DCLK1: variants seen among roughly 807,000 people sequenced by gnomAD.
The protein encoded by DCLK1 is doublecortin like kinase 1, also known as serine/threonine-protein kinase DCLK1.
In DCLK1, 16 loss-of-function variants were observed where a neutral mutation model predicts 86.2. That is an observed-to-expected ratio of 0.19 (90% CI 0.13 to 0.28). The LOEUF is 0.28. Ranked by LOEUF, DCLK1 falls within the 10% of genes least tolerant of loss-of-function variation. The pLI, the probability that DCLK1 is intolerant of heterozygous loss-of-function variation, is 1.00. For synonymous variants in DCLK1, 369 were observed against 370.5 expected (o/e 1.00, Z 0.05); for missense variants, 590 against 940.2 (o/e 0.63, Z 4.87).
At chr13:35,990,387 C>T (rs892943675) in intron 3 of DCLK1, among the ~76,000 whole-genome samples, 1 of 152,120 alleles carries the variant, frequency 6.6e-6, no homozygotes, top group African/African-American at 2.4e-5. Context: ...CCAGAGGGGG[C>T]GCTCTTTGAT....
intron 5 of DCLK1, among the ~76,000 whole-genome samples, chr13:35,870,395 T>C (rs1872181671): frequency 6.6e-6 from 1 of 152,098 alleles, no homozygotes; most frequent in Non-Finnish European, 1.5e-5. Context: ...CCGAGAGCTC[T>C]TTTCACACTC....
intron 3 of DCLK1, among the ~76,000 whole-genome samples, chr13:36,029,666 C>T (rs1009702874): frequency 2.0e-5 from 3 of 152,038 alleles, no homozygotes; most frequent in Non-Finnish European, 2.9e-5. Flanking sequence ...CAAGAGAGTC[C>T]GATGGACTAT....
At chr13:35,915,783 A>G (rs1171444877) in intron 4 of DCLK1, among the ~76,000 whole-genome samples, 2 of 152,198 alleles carry the variant, frequency 1.3e-5, no homozygotes, top group Admixed American at 6.5e-5. Context: ...AGAGCTATGC[A>G]AAGGTAAGTA....
At position 36,111,936 on chromosome 13, in the gene DCLK1, T is replaced by C; in HGVS notation, c.656A>G (p.Asp219Gly). 1 of 1,614,236 alleles carries C rather than the reference T, an allele frequency of 6.2e-7. No homozygotes were observed. Among genetic ancestry groups the C allele is most frequent in the Non-Finnish European group, 8.5e-7 (1 of 1,180,050 alleles). The change falls in exon 3 of 17, where the codon GAT becomes GGT. Residue 219 changes from aspartate (D) to glycine (G), a missense_variant. Asp to Gly is a moderately conservative substitution (Grantham distance 94, BLOSUM62 -1). Around this residue, in one of 6 missense-constraint regions of DCLK1, gnomAD observed 195 missense variants for 365.1 expected, o/e 0.53. Coordinates refer to ENST00000360631, the MANE Select transcript of DCLK1 (RefSeq NM_001330071.2). ...GTCCAGCTTGATGGCATCGGTGATA[T>C]CGGTGAGGACCTGCTCAAAGGAATG... Reference protein sequence around the residue: ...TAHSFEQVLTDITDAIKLDSG... With the variant: ...TAHSFEQVLTGITDAIKLDSG...
chr13:36,048,178 T>A (rs1043983562), intron 3 of DCLK1, among the ~76,000 whole-genome samples: 1 of 152,148 alleles, frequency 6.6e-6, no homozygotes, highest in Non-Finnish European at 1.5e-5. Flanking sequence ...AGTCTGTGAA[T>A]GCCAAGCTGG....
At chr13:35,789,216 T>C (rs1341753663) in intron 16 of DCLK1, among the ~76,000 whole-genome samples, 1 of 152,206 alleles carries the variant, frequency 6.6e-6, no homozygotes, top group Non-Finnish European at 1.5e-5. Context: ...ATGTGTTCTT[T>C]CAAGTGCGTT....
At chr13:35,839,304 T>C in intron 6 of DCLK1, 128 bp from the exon 7 acceptor site, 1 of 713,850 alleles carries the variant, frequency 1.4e-6, no homozygotes, top group Admixed American at 2.8e-5. Context: ...TCTTAACACT[T>C]GGAAAAAGAC....
At chr13:36,074,189 G>C (rs79562340) in intron 3 of DCLK1, among the ~76,000 whole-genome samples, 1,790 of 152,150 alleles carry the variant, frequency 0.012, 41 homozygotes, top group African/African-American at 0.04. Flanking sequence ...AATTTAAGAA[G>C]GAAGACCTCC....
In DCLK1 at chr13:35,873,434, G is replaced by A. The variant is rs140953047; in HGVS notation, c.824-2094C>T. ...AGTCTCGCTCTTGTTGCCCAGGCTGGAGTGCAGTGGCGTGATCTCGGGTCA... is the reference window on the plus strand; with the variant it reads ...AGTCTCGCTCTTGTTGCCCAGGCTGAAGTGCAGTGGCGTGATCTCGGGTCA... On this transcript the variant is annotated intron_variant, in intron 4 of 16. Coordinates refer to ENST00000360631, the MANE Select transcript of DCLK1 (RefSeq NM_001330071.2). Among the ~76,000 whole-genome samples, 1,120 of 151,928 alleles carry A rather than the reference G, an allele frequency of 7.4e-3. 10 individuals carry two copies. Among genetic ancestry groups the A allele is most frequent in the African/African-American group, 0.026 (1,070 of 41,462 alleles).
intron 3 of DCLK1, among the ~76,000 whole-genome samples, chr13:36,006,668 G>C (rs909937286): frequency 2.0e-5 from 3 of 152,222 alleles, no homozygotes; most frequent in Non-Finnish European, 2.9e-5. Context: ...TGTTGTCTGA[G>C]AAACTGATTC....
intron 3 of DCLK1, among the ~76,000 whole-genome samples, chr13:36,023,062 A>C (rs1881852145): frequency 6.6e-6 from 1 of 152,168 alleles, no homozygotes; most frequent in Non-Finnish European, 1.5e-5. Context: ...TAGCAACAGG[A>C]ATTATTTCCA....
At chr13:36,043,667 G>C (rs965883668) in intron 3 of DCLK1, among the ~76,000 whole-genome samples, 2 of 152,018 alleles carry the variant, frequency 1.3e-5, no homozygotes, top group Non-Finnish European at 2.9e-5. Context: ...ATAAAAATAG[G>C]TAATATAGAA....
intron 8 of DCLK1, among the ~76,000 whole-genome samples, chr13:35,835,333 A>T (rs1455199632): frequency 2.0e-5 from 3 of 152,146 alleles, no homozygotes; most frequent in African/African-American, 7.2e-5. Flanking sequence ...ACCAGCCCTG[A>T]GGAGAAGCTG....
intron 3 of DCLK1, among the ~76,000 whole-genome samples, chr13:36,084,708 G>A (rs547194388): frequency 7.4e-4 from 113 of 152,216 alleles, no homozygotes; most frequent in African/African-American, 2.6e-3. Context: ...CAAGGGATCC[G>A]TATGTCACAT....
intron 14 of DCLK1, among the ~76,000 whole-genome samples, chr13:35,806,260 G>T (rs1476638472): frequency 6.6e-6 from 1 of 152,094 alleles, no homozygotes; most frequent in Non-Finnish European, 1.5e-5. Context: ...GAAAGACATA[G>T]AATTGGGTCT....
chr13:36,025,590 A>T (rs1012682189), intron 3 of DCLK1, among the ~76,000 whole-genome samples: 2 of 152,234 alleles, frequency 1.3e-5, no homozygotes, highest in African/African-American at 4.8e-5. Context: ...ACATGAACGC[A>T]TCATGAAAAC....
intron 3 of DCLK1, among the ~76,000 whole-genome samples, chr13:36,048,405 A>C (rs550645168): frequency 6.6e-6 from 1 of 152,194 alleles, no homozygotes; most frequent in Admixed American, 6.5e-5. Flanking sequence ...TTTTCTTTAC[A>C]CAAAGTAATA....
At chr13:36,000,572 T>A (rs1197425148) in intron 3 of DCLK1, among the ~76,000 whole-genome samples, 1 of 152,060 alleles carries the variant, frequency 6.6e-6, no homozygotes, top group East Asian at 1.9e-4. Context: ...ACCATTTACA[T>A]ACCATTAAAT....
chr13:36,022,665 T>G lies in DCLK1; in HGVS notation c.724-75208A>C, dbSNP rs55733630. ...TTGTAAATCAATAAGTTAGATAATC[T>G]GGACGAAATGCCCGAATTCCTAAAA... On this transcript the variant is annotated intron_variant, in intron 3 of 16. Transcript: ENST00000360631. 5.4e-3 allele frequency among the ~76,000 whole-genome samples: 828 copies of G among 152,242 alleles called. 11 individuals are homozygous for G. The highest frequency in any genetic ancestry group is 0.019 in the African/African-American group (785 of 41,572).
Sources: gnomAD v4.1 joint callset for allele counts (sites outside exome capture counted in the v4.1 genomes callset) on GRCh38, gnomAD v4.1.1 for gene constraint, gnomAD v4.1.1 regional missense constraint, MANE v1.5 for transcripts, NCBI Gene and HGNC (gene_info 2026-07-23, HGNC 2026-07-21) for gene names.